Variants in SUDS3 observed in about 807,000 individuals in gnomAD.
The protein encoded by SUDS3 is SIN3A corepressor complex component SDS3, also known as sin3 histone deacetylase corepressor complex component SDS3.
Under a neutral mutation model 53.5 loss-of-function variants are expected in SUDS3, and 23 were observed. That is an observed-to-expected ratio of 0.43 (90% CI 0.31 to 0.61). The LOEUF (loss-of-function observed/expected upper bound fraction) is 0.61. SUDS3 is among the 20% of genes least tolerant of loss of function. The probability of loss-of-function intolerance (pLI) is 0.10; values close to 1 mark genes in which losing one functional copy is unlikely to be tolerated. For missense variants in SUDS3, 291 were observed against 405.9 expected (o/e 0.72, Z 2.43); for synonymous variants, 150 against 148.5 (o/e 1.01, Z -0.08).
chr12:118,395,216 GTTTTT>G (rs71772462), intron 6 of SUDS3, among the ~76,000 whole-genome samples: 2 of 80,092 alleles, frequency 2.5e-5, no homozygotes, highest in Non-Finnish European at 2.3e-5. Flanking sequence ...TGGAATCAGG[GTTTTT>G]TTTTTTTTTT....
intron 6 of SUDS3, among the ~76,000 whole-genome samples, chr12:118,399,625 G>T (rs749076520): frequency 6.6e-6 from 1 of 152,196 alleles, no homozygotes; most frequent in Non-Finnish European, 1.5e-5. Context: ...GAAGGCCGTG[G>T]AGGTAGCCAG....
chr12:118,401,127 T>G (rs1373713068), intron 7 of SUDS3, among the ~76,000 whole-genome samples: 1 of 152,248 alleles, frequency 6.6e-6, no homozygotes, highest in Non-Finnish European at 1.5e-5. Context: ...ATATCTACCT[T>G]TATGTACCTC....
At chr12:118,411,571 C>G (rs908155743) in intron 11 of SUDS3, among the ~76,000 whole-genome samples, 5 of 152,032 alleles carry the variant, frequency 3.3e-5, no homozygotes, top group African/African-American at 1.2e-4. Flanking sequence ...TATCTTGGCT[C>G]ACTGCAACTT....
intron 10 of SUDS3, among the ~76,000 whole-genome samples, chr12:118,404,637 A>G (rs2046294323): frequency 6.6e-6 from 1 of 152,112 alleles, no homozygotes; most frequent in Non-Finnish European, 1.5e-5. Flanking sequence ...TTCTTTATCC[A>G]TATGCAGGCA....
chr12:118,388,929 A>G (rs1242040171), intron 4 of SUDS3, among the ~76,000 whole-genome samples: 1 of 152,244 alleles, frequency 6.6e-6, no homozygotes, highest in East Asian at 1.9e-4. Flanking sequence ...CTGGCGCATC[A>G]CCTGAGGTCA....
rs760722143 is a variant in SUDS3 at position 118,385,013 on chromosome 12, T to C, written c.268+946T>C. ...GCATGAGGAGCGTCTAGCACAGCAG[T>C]GTGCACACTGCAAGGTCCTGGGGAC... is the stretch of plus-strand genomic sequence containing the variant. On this transcript the variant is annotated intron_variant, in intron 3 of 11. Coordinates refer to ENST00000543473, the MANE Select transcript of SUDS3 (RefSeq NM_022491.3). 5.3e-4 allele frequency among the ~76,000 whole-genome samples: 80 copies of C among 152,166 alleles called. 1 individual carries two copies. Among genetic ancestry groups the C allele is most frequent in the Admixed American group, 3.8e-3 (58 of 15,282 alleles).
Position 118,386,157 on chromosome 12 carries a change from G to T in SUDS3, c.312G>T (p.Gln104His). The change falls in exon 4 of 12, where the codon CAG becomes CAT. Residue 104 changes from glutamine (Q) to histidine (H), a missense_variant. Coordinates refer to ENST00000543473, the MANE Select transcript of SUDS3 (RefSeq NM_022491.3). ...AGAAGAGAATGAAAAAACTAGATCA[G>T]CAGTACAAAGAGAGGATACGGAATG... ...EYQKRMKKLD[Q>H]QYKERIRNAE... The T allele has an allele frequency of 6.2e-7, 1 of 1,602,174 alleles. No individual in the cohort carries two copies. Among genetic ancestry groups the T allele is most frequent in the Non-Finnish European group, 8.5e-7 (1 of 1,174,100 alleles).
chr12:118,385,597 T>A (rs1183065427), intron 3 of SUDS3, among the ~76,000 whole-genome samples: 1 of 152,242 alleles, frequency 6.6e-6, no homozygotes, highest in Non-Finnish European at 1.5e-5. Context: ...CTGAATTGTT[T>A]AATGCTGTCA....
At chr12:118,391,441 T>C (rs563264833) in intron 6 of SUDS3, among the ~76,000 whole-genome samples, 159 bp downstream of exon 6, 2 of 152,196 alleles carry the variant, frequency 1.3e-5, no homozygotes, top group Non-Finnish European at 2.9e-5. Flanking sequence ...CTATTGGCTG[T>C]GTGACCTTAG....
Position 118,388,816 on chromosome 12 carries a change from C to T in SUDS3, c.341-1111C>T, listed in dbSNP as rs142676616. ...TGTCCTATGGATTATCTGTGGAGGT[C>T]CTTCCTTACCACATATAGCCCTTCA... On this transcript the variant is annotated intron_variant, in intron 4 of 11. Transcript: ENST00000543473. Among the ~76,000 whole-genome samples, 554 of 152,234 alleles carry T rather than the reference C, an allele frequency of 3.6e-3. 5 individuals carry two copies. The highest frequency in any genetic ancestry group is 0.013 in the African/African-American group (529 of 41,522).
chr12:118,396,844 C>T (rs1036127081), intron 6 of SUDS3, among the ~76,000 whole-genome samples: 2 of 152,166 alleles, frequency 1.3e-5, no homozygotes, highest in Non-Finnish European at 2.9e-5. Flanking sequence ...CCTAGCATTG[C>T]TTCAACCTGA....
At chr12:118,394,325 C>T (rs564065489) in intron 6 of SUDS3, among the ~76,000 whole-genome samples, 3 of 152,204 alleles carry the variant, frequency 2.0e-5, no homozygotes, top group South Asian at 2.1e-4. Flanking sequence ...ACTGAGTTCC[C>T]GCAGCTCCCT....
At chr12:118,409,254 C>G (rs1010867544) in intron 10 of SUDS3, among the ~76,000 whole-genome samples, 6 of 151,550 alleles carry the variant, frequency 4.0e-5, no homozygotes, top group Admixed American at 3.9e-4. Context: ...TCAAGCAATT[C>G]TCCTGCCTCA....
At chr12:118,408,153 C>T (rs2046324563) in intron 10 of SUDS3, among the ~76,000 whole-genome samples, 1 of 152,164 alleles carries the variant, frequency 6.6e-6, no homozygotes, top group South Asian at 2.1e-4. Context: ...CCCGCCTCGG[C>T]CTCCCAAAGT....
intron 11 of SUDS3, among the ~76,000 whole-genome samples, chr12:118,413,286 A>C (rs564574765): frequency 1.2e-4 from 19 of 152,314 alleles, no homozygotes; most frequent in Admixed American, 2.0e-4. Flanking sequence ...TATTTGGGTG[A>C]GATGCAGACC....
intron 10 of SUDS3, among the ~76,000 whole-genome samples, chr12:118,409,328 G>T (rs1196561374): frequency 1.3e-5 from 2 of 151,984 alleles, no homozygotes. Flanking sequence ...TGTGTTTTTA[G>T]TAGAGATGGG....
chr12:118,407,037 C>T (rs2046314637), intron 10 of SUDS3, among the ~76,000 whole-genome samples: 1 of 151,926 alleles, frequency 6.6e-6, no homozygotes, highest in African/African-American at 2.4e-5. Flanking sequence ...GCTGGGACTA[C>T]AGTCCTCCAT....
intron 6 of SUDS3, among the ~76,000 whole-genome samples, chr12:118,399,842 G>A (rs2046248186): frequency 6.6e-6 from 1 of 152,216 alleles, no homozygotes; most frequent in South Asian, 2.1e-4. Flanking sequence ...AGAATGTGTG[G>A]TGTCAGGTAT....
chr12:118,386,117 C>G lies in SUDS3; in HGVS notation c.272C>G (p.Thr91Arg). The part of the protein sequence containing the change: ...KRQLQQLQEG[T>R]LQEYQKRMKK... Reference sequence around the variant, plus strand: ...TTTTTCAAATGTTCAAAATCAGGTACATTACAGGAATATCAGAAGAGAATG... The same window carrying G: ...TTTTTCAAATGTTCAAAATCAGGTAGATTACAGGAATATCAGAAGAGAATG... Residue 91 changes from threonine (T) to arginine (R), a missense_variant, in exon 4 of 12, where the codon ACA (threonine) becomes AGA (arginine). This residue lies in a region of SUDS3 where 149 missense variants were observed against 146.5 expected (regional missense o/e 1.02). Coordinates refer to ENST00000543473, the MANE Select transcript of SUDS3 (RefSeq NM_022491.3). 1 of 1,591,768 alleles carries G rather than the reference C, an allele frequency of 6.3e-7. No individual in the cohort carries two copies. Among genetic ancestry groups the G allele is most frequent in the Non-Finnish European group, 8.6e-7 (1 of 1,167,804 alleles).
Sources: gnomAD v4.1 joint callset for allele counts (sites outside exome capture counted in the v4.1 genomes callset) on GRCh38, gnomAD v4.1.1 for gene constraint, gnomAD v4.1.1 regional missense constraint, MANE v1.5 for transcripts, NCBI Gene and HGNC (gene_info 2026-07-23, HGNC 2026-07-21) for gene names.